The following CENPP variants were observed in gnomAD, a reference collection of about 807,000 sequenced individuals.
CENPP encodes centromere protein P.
CENPP carries 24 observed loss-of-function variants against 35.6 expected under a neutral mutation model. The observed-to-expected ratio is 0.67, with a 90% CI of 0.49 to 0.95. CENPP has a LOEUF of 0.95. Ranked by LOEUF, CENPP falls within the 40% of genes least tolerant of loss-of-function variation. The pLI is 0.00. For synonymous variants in CENPP, 120 were observed against 125.5 expected (o/e 0.96, Z 0.29); for missense variants, 332 against 345.3 (o/e 0.96, Z 0.31).
At chr9:92,516,997 G>A (rs559897658) in intron 5 of CENPP, 1 of 152,128 alleles carries the variant, frequency 6.6e-6, no homozygotes, top group African/African-American at 2.4e-5. Flanking sequence ...TTCATAAGGT[G>A]TTGGTTAGGC....
intron 5 of CENPP, among the ~76,000 whole-genome samples, chr9:92,580,534 A>G (rs376795235): frequency 2.0e-5 from 3 of 151,932 alleles, no homozygotes; most frequent in African/African-American, 7.3e-5. Flanking sequence ...GTCTTGGGAG[A>G]GTGTATGTGT....
At chr9:92,457,049 A>C (rs1277714166) in intron 5 of CENPP, 11 of 1,279,658 alleles carry the variant, frequency 8.6e-6, no homozygotes, top group Non-Finnish European at 9.9e-6. Flanking sequence ...GATTTATGTA[A>C]GATCATTTGT....
At chr9:92,509,734 G>A (rs530234815) in intron 5 of CENPP, among the ~76,000 whole-genome samples, 2 of 152,236 alleles carry the variant, frequency 1.3e-5, no homozygotes, top group Admixed American at 6.5e-5. Context: ...TTCATTTTAC[G>A]TTTTACCAGT....
chr9:92,399,408 G>A (rs1843018621), intron 5 of CENPP, among the ~76,000 whole-genome samples: 1 of 151,886 alleles, frequency 6.6e-6, no homozygotes, highest in South Asian at 2.1e-4. Flanking sequence ...TTTTAAGAGT[G>A]CTTTATAAAT....
chr9:92,383,877 A>C (rs188939187), intron 5 of CENPP: 3 of 152,310 alleles, frequency 2.0e-5, no homozygotes, highest in Admixed American at 1.3e-4. Context: ...TAATATAGGA[A>C]TACATTATTT....
chr9:92,525,045 C>T (rs1268128215), intron 5 of CENPP, among the ~76,000 whole-genome samples: 3 of 152,210 alleles, frequency 2.0e-5, no homozygotes, highest in South Asian at 2.1e-4. Context: ...GGCACTGTGG[C>T]TCATGCCTGT....
intron 5 of CENPP, among the ~76,000 whole-genome samples, chr9:92,549,789 T>TA (rs1311424998): frequency 6.6e-6 from 1 of 152,222 alleles, no homozygotes; most frequent in Non-Finnish European, 1.5e-5. Flanking sequence ...ATAGTGCTGT[T>TA]AGGCAGTGGA....
chr9:92,514,300 A>C (rs1161147380), intron 5 of CENPP, among the ~76,000 whole-genome samples: 3 of 129,298 alleles, frequency 2.3e-5, no homozygotes, highest in Non-Finnish European at 4.8e-5. Context: ...TTTGAGATGG[A>C]GTCTCGCTCA....
chr9:92,596,179 G>A (rs116320620), intron 5 of CENPP, among the ~76,000 whole-genome samples: 1 of 152,140 alleles, frequency 6.6e-6, no homozygotes, highest in African/African-American at 2.4e-5. Context: ...TGTTGCCCAG[G>A]CTGGAATGCA....
chr9:92,330,679 C>T (rs1000980973), intron 1 of CENPP, among the ~76,000 whole-genome samples: 48 of 130,794 alleles, frequency 3.7e-4, no homozygotes, highest in Middle Eastern at 4.0e-3. Context: ...TTTTTTTTTT[C>T]TTTTCTTTGT....
At chr9:92,433,969 T>G (rs1844184415) in intron 5 of CENPP, among the ~76,000 whole-genome samples, 1 of 152,134 alleles carries the variant, frequency 6.6e-6, no homozygotes, top group Non-Finnish European at 1.5e-5. Context: ...CATCAACTGT[T>G]TAAAATACAC....
chr9:92,607,312 C>T (rs1851108608), intron 5 of CENPP, among the ~76,000 whole-genome samples: 1 of 152,062 alleles, frequency 6.6e-6, no homozygotes, highest in South Asian at 2.1e-4. Context: ...TGTCATCTCT[C>T]AATAGACCAG....
At chr9:92,450,775 A>G (rs994154030) in intron 5 of CENPP, among the ~76,000 whole-genome samples, 9 of 152,002 alleles carry the variant, frequency 5.9e-5, no homozygotes, top group African/African-American at 1.7e-4. Flanking sequence ...CTGACTTTTT[A>G]ATGATTGCCA....
chr9:92,607,978 A>T (rs774296739), intron 5 of CENPP, among the ~76,000 whole-genome samples: 7 of 152,238 alleles, frequency 4.6e-5, no homozygotes, highest in Non-Finnish European at 8.8e-5. Context: ...ACCCACTTGA[A>T]TCACTGCCTC....
At chr9:92,586,510 G>A (rs927952703) in intron 5 of CENPP, among the ~76,000 whole-genome samples, 2 of 152,104 alleles carry the variant, frequency 1.3e-5, no homozygotes, top group African/African-American at 4.8e-5. Context: ...GGGGAAAAAA[G>A]AGTACAATAT....
chr9:92,352,285 G>A (rs1841468136), intron 4 of CENPP, among the ~76,000 whole-genome samples: 2 of 150,172 alleles, frequency 1.3e-5, no homozygotes, highest in Non-Finnish European at 3.0e-5. Flanking sequence ...CACGAAAATC[G>A]CTTGAACCGG....
rs898421787 is a variant in CENPP, at chr9:92,476,873, G to T, written c.564+97014G>T. ...TGCTGCCTTCTGCTCCAGCTCATGTGGGGGGACTCAGTTGTTTTATCCAGA... is the reference window on the plus strand; with the variant it reads ...TGCTGCCTTCTGCTCCAGCTCATGTTGGGGGACTCAGTTGTTTTATCCAGA... On this transcript the variant is annotated intron_variant, in intron 5 of 7. Transcript: ENST00000375587. This position sits in a 1 kb window ranked among gnomAD's most constrained non-coding sequence, Gnocchi z 4.1. Among the ~76,000 whole-genome samples, 2 of 152,126 alleles carry T rather than the reference G, an allele frequency of 1.3e-5. No individual in the cohort carries two copies. Among genetic ancestry groups the T allele is most frequent in the Admixed American group, 6.5e-5 (1 of 15,276 alleles).
chr9:92,596,315 G>A (rs962981337), intron 5 of CENPP, among the ~76,000 whole-genome samples: 24 of 151,822 alleles, frequency 1.6e-4, no homozygotes, highest in African/African-American at 4.6e-4. Context: ...AATTTTTGTA[G>A]AAATGGGGTC....
intron 5 of CENPP, chr9:92,517,904 A>G (rs1554680336): frequency 6.2e-7 from 1 of 1,612,710 alleles, no homozygotes; most frequent in Non-Finnish European, 8.5e-7. Flanking sequence ...ACAAATTTAA[A>G]TTTCTTATGT....
Sources: gnomAD v4.1 joint callset for allele counts (sites outside exome capture counted in the v4.1 genomes callset) on GRCh38, gnomAD v4.1.1 for gene constraint, Gnocchi (gnomAD v3.1) non-coding constraint, MANE v1.5 for transcripts, NCBI Gene and HGNC (gene_info 2026-07-23, HGNC 2026-07-21) for gene names.